The following WDPCP variants were observed in gnomAD, a reference collection of about 807,000 sequenced individuals.
The protein encoded by WDPCP is WD repeat-containing and planar cell polarity effector protein fritz homolog.
WDPCP carries 71 observed loss-of-function variants against 93.1 expected under a neutral mutation model. The ratio of observed to expected loss-of-function variants is 0.76; its 90% CI spans 0.63 to 0.93. The LOEUF is 0.93. Among genes scored for constraint, WDPCP ranks in the 40% least tolerant of loss-of-function variants. The pLI is 0.00. For synonymous variants in WDPCP, 315 were observed against 315.0 expected (o/e 1.00, Z 0.00); for missense variants, 844 against 887.4 (o/e 0.95, Z 0.62).
chr2:63,195,201 G>A (rs1675332676), intron 14 of WDPCP, among the ~76,000 whole-genome samples: 1 of 152,018 alleles, frequency 6.6e-6, no homozygotes, highest in South Asian at 2.1e-4. Context: ...ATTGGTAGAG[G>A]AGTCAAAGGC....
intron 13 of WDPCP, among the ~76,000 whole-genome samples, chr2:63,300,761 G>C (rs1465331692): frequency 6.6e-6 from 1 of 152,206 alleles, no homozygotes; most frequent in Non-Finnish European, 1.5e-5. Flanking sequence ...TAGGAACAGA[G>C]GGTTCCCCCC....
Position 63,121,014 on chromosome 2 carries a change from C to T in WDPCP, c.*992G>A, listed in dbSNP as rs943178336. ...AGACAAATGATAGTAACCAGGGTAT[C>T]GGCATTTTTTTCTTTTCTTCATGGA... On this transcript the variant is annotated 3_prime_UTR_variant, in exon 18 of 18. Transcript: ENST00000272321. Among the ~76,000 whole-genome samples, 10 of 152,076 alleles carry T rather than the reference C, an allele frequency of 6.6e-5. No homozygotes were observed. The highest frequency in any genetic ancestry group is 2.1e-4 in the South Asian group (1 of 4,828).
intron 2 of WDPCP, among the ~76,000 whole-genome samples, chr2:63,808,310 C>G (rs1237394700): frequency 7.3e-6 from 1 of 137,288 alleles, no homozygotes; most frequent in Non-Finnish European, 1.6e-5. Context: ...CTCCCTCTCC[C>G]CTCTCCCTCT....
At chr2:63,806,696 G>C (rs962061528) in intron 2 of WDPCP, among the ~76,000 whole-genome samples, 23 of 152,248 alleles carry the variant, frequency 1.5e-4, no homozygotes, top group Admixed American at 1.2e-3. Flanking sequence ...CCCACCCCGA[G>C]GTGCGCATTC....
At chr2:63,755,826 C>G (rs1225527106) in intron 2 of WDPCP, among the ~76,000 whole-genome samples, 1 of 152,146 alleles carries the variant, frequency 6.6e-6, no homozygotes, top group Non-Finnish European at 1.5e-5. Flanking sequence ...TATAATTTGT[C>G]TACACACTCG....
At chr2:63,227,601 A>T (rs1559223402) in intron 14 of WDPCP, among the ~76,000 whole-genome samples, 2 of 152,022 alleles carry the variant, frequency 1.3e-5, no homozygotes, top group African/African-American at 4.8e-5. Context: ...TAGTAAAGTG[A>T]TTTAGAGTAT....
chr2:63,263,046 T>C (rs1681780578), intron 13 of WDPCP, among the ~76,000 whole-genome samples: 1 of 152,228 alleles, frequency 6.6e-6, no homozygotes, highest in African/African-American at 2.4e-5. Flanking sequence ...TATTCATATA[T>C]TTGAATGTGG....
At chr2:63,593,587 C>T (rs1323651328), upstream of WDPCP, 7 of 471,650 alleles carry the variant, frequency 1.5e-5, no homozygotes, top group East Asian at 4.2e-4. Flanking sequence ...AAACCAAACA[C>T]TTCTGGGCTT....
intron 14 of WDPCP, among the ~76,000 whole-genome samples, chr2:63,179,310 A>C (rs1674059653): frequency 6.6e-6 from 1 of 151,682 alleles, no homozygotes; most frequent in Non-Finnish European, 1.5e-5. Flanking sequence ...GCATCTGCTC[A>C]GCTTCTGGGG....
chr2:63,252,095 A>G (rs1468167795), intron 14 of WDPCP, among the ~76,000 whole-genome samples: 1 of 152,204 alleles, frequency 6.6e-6, no homozygotes, highest in Admixed American at 6.5e-5. Flanking sequence ...ACCATGATCA[A>G]GCAGGCTTTA....
chr2:63,735,902 T>C (rs551220913), intron 2 of WDPCP, among the ~76,000 whole-genome samples: 1 of 152,356 alleles, frequency 6.6e-6, no homozygotes, highest in Admixed American at 6.5e-5. Flanking sequence ...CCTAGCTCTC[T>C]GTTAAAAAAG....
intron 1 of WDPCP, among the ~76,000 whole-genome samples, chr2:63,495,134 G>A (rs1423797376): frequency 6.6e-6 from 1 of 152,134 alleles, no homozygotes; most frequent in Non-Finnish European, 1.5e-5. Flanking sequence ...GATCTGCCCT[G>A]CTGTGCCTAG....
intron 2 of WDPCP, among the ~76,000 whole-genome samples, chr2:63,705,899 T>A (rs1300169930): frequency 6.6e-6 from 1 of 152,120 alleles, no homozygotes; most frequent in Non-Finnish European, 1.5e-5. Flanking sequence ...CAGTGGGGTG[T>A]TAAAGTCTCC....
At chr2:63,484,277 T>C (rs1700437722) in intron 6 of WDPCP, among the ~76,000 whole-genome samples, 1 of 151,986 alleles carries the variant, frequency 6.6e-6, no homozygotes, top group Non-Finnish European at 1.5e-5. Flanking sequence ...TGTGGTTTCA[T>C]CTTCACTCAA....
chr2:63,770,209 G>C (rs1670205357), intron 2 of WDPCP, among the ~76,000 whole-genome samples: 1 of 151,886 alleles, frequency 6.6e-6, no homozygotes. Flanking sequence ...TAATATTTTA[G>C]TCTACCACCA....
chr2:63,742,177 T>C (rs1669727291), intron 2 of WDPCP, among the ~76,000 whole-genome samples: 1 of 151,912 alleles, frequency 6.6e-6, no homozygotes, highest in Admixed American at 6.6e-5. Flanking sequence ...AGTGTAAGTG[T>C]TTTTGTCAGT....
chr2:63,257,971 G>A (rs1038923450), intron 14 of WDPCP, among the ~76,000 whole-genome samples: 2 of 152,114 alleles, frequency 1.3e-5, no homozygotes, highest in African/African-American at 4.8e-5. Flanking sequence ...GGATAGGGAT[G>A]GAGGATATTT....
At chr2:63,459,927 G>A (rs1180770120) in intron 6 of WDPCP, among the ~76,000 whole-genome samples, 1 of 151,284 alleles carries the variant, frequency 6.6e-6, no homozygotes, top group Non-Finnish European at 1.5e-5. Flanking sequence ...AAAAAAAGAA[G>A]AAAAACAAAA....
intron 14 of WDPCP, chr2:63,229,989 G>C (rs555438097): frequency 6.6e-6 from 1 of 152,146 alleles, no homozygotes; most frequent in Admixed American, 6.6e-5. Flanking sequence ...ACAATGTGCA[G>C]GTTTGTTACA....
Sources: gnomAD v4.1 joint callset for allele counts (sites outside exome capture counted in the v4.1 genomes callset) on GRCh38, gnomAD v4.1.1 for gene constraint, MANE v1.5 for transcripts, NCBI Gene and HGNC (gene_info 2026-07-23, HGNC 2026-07-21) for gene names.